The following MRPS6 variants were observed in gnomAD, a reference collection of about 807,000 sequenced individuals.
MRPS6 encodes the protein mitochondrial ribosomal protein S6.
Under a neutral mutation model 13.1 loss-of-function variants are expected in MRPS6, and 6 were observed. That is an observed-to-expected ratio of 0.46 (90% CI 0.25 to 0.91). The LOEUF (loss-of-function observed/expected upper bound fraction) is 0.91, where lower values mean the gene tolerates loss of function less well. Among genes scored for constraint, MRPS6 ranks in the 40% least tolerant of loss-of-function variants. MRPS6 has a pLI of 0.18. For synonymous variants in MRPS6, 61 were observed against 56.5 expected (o/e 1.08, Z -0.36); for missense variants, 164 against 155.6 (o/e 1.05, Z -0.29).
At chr21:34,121,298 T>C (rs111298647) in intron 1 of MRPS6, among the ~76,000 whole-genome samples, 1,719 of 152,310 alleles carry the variant, frequency 0.011, 35 homozygotes, top group South Asian at 0.081. Context: ...ATGAATGTTG[T>C]TTATTCATGT....
chr21:34,103,853 A>C (rs2148662423), intron 1 of MRPS6: 1 of 1,000,192 alleles, frequency 1.0e-6, no homozygotes, highest in Non-Finnish European at 1.2e-6. Context: ...GTTACTAGCT[A>C]AAATGGGGTT....
intron 1 of MRPS6, among the ~76,000 whole-genome samples, chr21:34,089,498 T>A (rs1978571557): frequency 6.6e-6 from 1 of 152,124 alleles, no homozygotes; most frequent in Non-Finnish European, 1.5e-5. Flanking sequence ...AAAAAATTCA[T>A]GATGAGCCAA....
intron 1 of MRPS6, among the ~76,000 whole-genome samples, chr21:34,084,798 A>C (rs2148654830): frequency 6.6e-6 from 1 of 152,304 alleles, no homozygotes; most frequent in East Asian, 1.9e-4. Context: ...TTTATCTTAA[A>C]ATTTTTTTCA....
chr21:34,128,088 C>T lies in MRPS6; in HGVS notation c.185+2608C>T, dbSNP rs116321746. Among the ~76,000 whole-genome samples, 1,418 of 152,246 alleles carry T rather than the reference C, an allele frequency of 9.3e-3. 28 individuals are homozygous for T. The highest frequency in any genetic ancestry group is 0.033 in the African/African-American group (1,350 of 41,530). Reference sequence around the variant, plus strand: ...TGGTATCGTGTGTTTGTTGCTTTTACGTTTTGTGGGGAGAAATGGTATGTC... The same window carrying T: ...TGGTATCGTGTGTTTGTTGCTTTTATGTTTTGTGGGGAGAAATGGTATGTC... On this transcript the variant is annotated intron_variant, in intron 2 of 2. Transcript: ENST00000399312.
At chr21:34,111,288 T>G (rs918312191) in intron 1 of MRPS6, among the ~76,000 whole-genome samples, 1 of 152,198 alleles carries the variant, frequency 6.6e-6, no homozygotes, top group African/African-American at 2.4e-5. Flanking sequence ...AATACCTATG[T>G]AACCACCACC....
intron 1 of MRPS6, among the ~76,000 whole-genome samples, chr21:34,118,376 T>A (rs903454160): frequency 2.0e-5 from 3 of 152,086 alleles, no homozygotes; most frequent in Admixed American, 6.6e-5. Context: ...TCTTCAAAAA[T>A]TTTTCCAATA....
chr21:34,115,349 C>T (rs138474499), intron 1 of MRPS6, among the ~76,000 whole-genome samples: 2 of 152,178 alleles, frequency 1.3e-5, no homozygotes, highest in Admixed American at 6.5e-5. Flanking sequence ...TGGGCAGGCT[C>T]CTGTTTCCAC....
intron 1 of MRPS6, among the ~76,000 whole-genome samples, chr21:34,113,664 T>C (rs1979793198): frequency 6.6e-6 from 1 of 152,252 alleles, no homozygotes; most frequent in African/African-American, 2.4e-5. Flanking sequence ...ATGGACATGC[T>C]TTTTGTCTGT....
intron 2 of MRPS6, among the ~76,000 whole-genome samples, chr21:34,130,882 G>A (rs980039035): frequency 1.4e-4 from 20 of 147,076 alleles, no homozygotes; most frequent in African/African-American, 4.1e-4. Flanking sequence ...CTTCATAGAA[G>A]TGGTGATTCT....
intron 2 of MRPS6, among the ~76,000 whole-genome samples, chr21:34,129,429 C>CA (rs772800859): frequency 6.6e-6 from 1 of 152,174 alleles, no homozygotes; most frequent in Non-Finnish European, 1.5e-5. Flanking sequence ...GGCTGGCTTC[C>CA]AAATGCCTGT....
intron 1 of MRPS6, among the ~76,000 whole-genome samples, chr21:34,109,538 G>A (rs1979615555): frequency 6.6e-6 from 1 of 152,276 alleles, no homozygotes; most frequent in East Asian, 1.9e-4. Context: ...ACCATTTAGA[G>A]CTGTGCCTGT....
Position 34,096,431 on chromosome 21 carries a change from G to A in MRPS6, c.45+22686G>A, listed in dbSNP as rs921041492. On this transcript the variant is annotated intron_variant, in intron 1 of 2. Transcript: ENST00000399312. The surrounding 1 kb of genome is among the most constrained non-coding windows in gnomAD (Gnocchi z 5.9). Reference sequence around the variant, plus strand: ...GCTCCCGGGAGTTAATGATTGTGGGGAGGATATTTGTGGCATTTATGGTGG... The same window carrying A: ...GCTCCCGGGAGTTAATGATTGTGGGAAGGATATTTGTGGCATTTATGGTGG... 1.2e-6 allele frequency: 2 copies of A among 1,614,204 alleles called. No homozygotes were observed. The highest frequency in any genetic ancestry group is 1.7e-6 in the Non-Finnish European group (2 of 1,180,032).
intron 2 of MRPS6, among the ~76,000 whole-genome samples, chr21:34,140,637 A>G (rs1273426809): frequency 1.3e-5 from 2 of 152,200 alleles, no homozygotes; most frequent in African/African-American, 4.8e-5. Context: ...AAGTAGTTCT[A>G]TCGATTACTG....
intron 1 of MRPS6, among the ~76,000 whole-genome samples, chr21:34,089,395 C>T (rs1348552847): frequency 2.0e-5 from 3 of 151,634 alleles, no homozygotes; most frequent in African/African-American, 7.3e-5. Flanking sequence ...TAGTATCATT[C>T]ACATAAAAGT....
chr21:34,095,233 T>C, intron 1 of MRPS6: 3 of 1,613,488 alleles, frequency 1.9e-6, no homozygotes, highest in Non-Finnish European at 2.5e-6. Flanking sequence ...GACATTGCCA[T>C]AGTGGCCCTG....
intron 1 of MRPS6, chr21:34,103,671 G>GT (rs1292191269): frequency 1.0e-6 from 1 of 1,000,016 alleles, no homozygotes; most frequent in African/African-American, 1.7e-5. Flanking sequence ...AGGCCACCAG[G>GT]TATTTGTCTC....
At chr21:34,108,762 T>C (rs1248958127) in intron 1 of MRPS6, among the ~76,000 whole-genome samples, 2 of 152,234 alleles carry the variant, frequency 1.3e-5, no homozygotes, top group East Asian at 1.9e-4. Context: ...GAAAGCACTT[T>C]CCTTCAGAAA....
chr21:34,094,114 GT>G (rs1480559953), intron 1 of MRPS6, among the ~76,000 whole-genome samples: 1 of 152,136 alleles, frequency 6.6e-6, no homozygotes, highest in East Asian at 1.9e-4. Context: ...TTCTTTTAAA[GT>G]TTGCTTTTTA....
chr21:34,123,729 T>C (rs1424992581), intron 1 of MRPS6: 1 of 152,128 alleles, frequency 6.6e-6, no homozygotes, highest in Non-Finnish European at 1.5e-5. Flanking sequence ...AACACGTTGC[T>C]CAAGTTGCTT....
Sources: allele counts gnomAD v4.1 joint callset (sites outside exome capture counted in the v4.1 genomes callset), GRCh38; gene constraint gnomAD v4.1.1; non-coding constraint Gnocchi (gnomAD v3.1); transcripts MANE v1.5; gene names NCBI Gene and HGNC (gene_info 2026-07-23, HGNC 2026-07-21).